HMBOX1: variants seen among roughly 807,000 people sequenced by gnomAD.
HMBOX1 encodes the protein homeobox containing 1.
In HMBOX1, 14 loss-of-function variants were observed where a neutral mutation model predicts 54.5. That is an observed-to-expected ratio of 0.26 (90% CI 0.17 to 0.40). The LOEUF (loss-of-function observed/expected upper bound fraction) is 0.40. Among genes scored for constraint, HMBOX1 ranks in the 10% least tolerant of loss-of-function variants. The pLI is 1.00. For missense variants in HMBOX1, 332 were observed against 514.4 expected, an observed-to-expected ratio of 0.65 and a Z score of 3.43; for synonymous variants, 160 against 181.0, an observed-to-expected ratio of 0.88 and a Z score of 0.93.
chr8:29,017,967 T>C (rs925745956), intron 5 of HMBOX1, among the ~76,000 whole-genome samples: 3 of 152,234 alleles, frequency 2.0e-5, no homozygotes, highest in Non-Finnish European at 4.4e-5. Context: ...TGAATTAAAC[T>C]ACAGGCAGAG....
At chr8:29,011,616 A>G (rs1347932985) in intron 5 of HMBOX1, among the ~76,000 whole-genome samples, 1 of 152,234 alleles carries the variant, frequency 6.6e-6, no homozygotes, top group African/African-American at 2.4e-5. Context: ...CTCTAGGGCC[A>G]CAATGGCATT....
chr8:28,979,230 G>A (rs1047168249), intron 3 of HMBOX1, among the ~76,000 whole-genome samples: 11 of 152,276 alleles, frequency 7.2e-5, no homozygotes, highest in Admixed American at 4.6e-4. Flanking sequence ...GGTTTTAAGA[G>A]TTTAACTATA....
chr8:28,982,332 A>G (rs952455578), intron 4 of HMBOX1, among the ~76,000 whole-genome samples: 2 of 152,228 alleles, frequency 1.3e-5, no homozygotes, highest in African/African-American at 4.8e-5. Flanking sequence ...GAGAAATGCT[A>G]TTCTAGGAGA....
intron 6 of HMBOX1, among the ~76,000 whole-genome samples, chr8:29,036,212 G>C (rs1803839294): frequency 6.6e-6 from 1 of 152,188 alleles, no homozygotes; most frequent in Non-Finnish European, 1.5e-5. Context: ...TTGCAGTGAA[G>C]GGCCTGGGGA....
intron 6 of HMBOX1, among the ~76,000 whole-genome samples, chr8:29,029,917 C>A (rs1259035816): frequency 3.3e-5 from 5 of 151,654 alleles, no homozygotes; most frequent in Non-Finnish European, 5.9e-5. Context: ...TCTCTTAGGC[C>A]CCCTTATTAT....
chr8:29,028,975 A>G (rs1273169825), intron 6 of HMBOX1, among the ~76,000 whole-genome samples: 1 of 152,052 alleles, frequency 6.6e-6, no homozygotes, highest in East Asian at 1.9e-4. Context: ...TTCTGCTCTC[A>G]TTTCATGAAG....
intron 1 of HMBOX1, among the ~76,000 whole-genome samples, chr8:28,912,901 A>G (rs575331877): frequency 6.6e-6 from 1 of 152,340 alleles, no homozygotes; most frequent in East Asian, 1.9e-4. Flanking sequence ...TTTAAAAAAC[A>G]TACTTAAGTT....
chr8:28,963,730 T>TC (rs1284987893), intron 1 of HMBOX1, 81 bp from the exon 2 acceptor site: 16 of 586,846 alleles, frequency 2.7e-5, no homozygotes, highest in Non-Finnish European at 4.8e-5. Flanking sequence ...ACTCTTGCTG[T>TC]CCATCAGTTA....
At chr8:29,046,194 GC>G (rs894774041) in intron 7 of HMBOX1, 1 of 152,172 alleles carries the variant, frequency 6.6e-6, no homozygotes, top group Non-Finnish European at 1.5e-5. Flanking sequence ...TCACCCAGAA[GC>G]CAGACTTCTA....
At chr8:29,021,761 G>A (rs1213729313) in intron 6 of HMBOX1, among the ~76,000 whole-genome samples, 4 of 151,550 alleles carry the variant, frequency 2.6e-5, no homozygotes, top group African/African-American at 9.7e-5. Flanking sequence ...TCGGGAGGCT[G>A]AGGCAGGAGA....
chr8:28,947,886 T>C (rs1822759574), intron 1 of HMBOX1, among the ~76,000 whole-genome samples: 1 of 152,182 alleles, frequency 6.6e-6, no homozygotes, highest in South Asian at 2.1e-4. Flanking sequence ...TTGAATGCTT[T>C]GTCCCTTATA....
At chr8:28,928,873 G>T (rs1819001734) in intron 1 of HMBOX1, among the ~76,000 whole-genome samples, 1 of 152,172 alleles carries the variant, frequency 6.6e-6, no homozygotes, top group Non-Finnish European at 1.5e-5. Flanking sequence ...AGAAGGGAAA[G>T]TTGAACTCAT....
At chr8:28,914,328 G>T (rs748643950) in intron 1 of HMBOX1, among the ~76,000 whole-genome samples, 8 of 152,128 alleles carry the variant, frequency 5.3e-5, no homozygotes, top group African/African-American at 9.6e-5. Flanking sequence ...AAACGATTGG[G>T]ACTTATATAG....
rs1813313645 is a variant in HMBOX1, at chr8:28,901,947, CT to C, written c.-58+11270del. Among the ~76,000 whole-genome samples the C allele has an allele frequency of 1.3e-5, 2 of 152,328 alleles. 1 individual carries two copies. Among genetic ancestry groups the C allele is most frequent in the South Asian group, 4.1e-4 (2 of 4,826 alleles). On this transcript the variant is annotated intron_variant, in intron 1 of 9. Coordinates refer to ENST00000287701, the MANE Select transcript of HMBOX1 (RefSeq NM_001135726.3). ...ATACTTAAAACCCAGTTAAATCCTTCTGTCTGAAGAGACATATCCCAGTGAA... is the reference window on the plus strand; with the variant it reads ...ATACTTAAAACCCAGTTAAATCCTTCGTCTGAAGAGACATATCCCAGTGAA...
intron 1 of HMBOX1, among the ~76,000 whole-genome samples, chr8:28,944,537 A>G (rs1822062352): frequency 6.6e-6 from 1 of 152,234 alleles, no homozygotes; most frequent in Non-Finnish European, 1.5e-5. Context: ...AGAGGAATTA[A>G]TAACTTGAGC....
intron 4 of HMBOX1, among the ~76,000 whole-genome samples, chr8:28,990,717 G>A (rs1187911825): frequency 6.6e-6 from 1 of 151,812 alleles, no homozygotes; most frequent in South Asian, 2.1e-4. Flanking sequence ...GTGGAGTGGC[G>A]CAATCTCGGC....
chr8:28,945,218 T>C (rs1445279967), intron 1 of HMBOX1, among the ~76,000 whole-genome samples: 2 of 152,236 alleles, frequency 1.3e-5, no homozygotes, highest in Admixed American at 6.5e-5. Flanking sequence ...CTTCTTCTAC[T>C]GTATCTTTAG....
chr8:28,973,596 A>G (rs1586196233), intron 3 of HMBOX1, among the ~76,000 whole-genome samples: 2 of 152,072 alleles, frequency 1.3e-5, no homozygotes, highest in African/African-American at 2.4e-5. Flanking sequence ...ACTAGATGCT[A>G]TGGTGATATG....
chr8:29,018,675 A>G, intron 5 of HMBOX1, 85 bp from the exon 6 acceptor site: 4 of 1,374,902 alleles, frequency 2.9e-6, no homozygotes, highest in Non-Finnish European at 4.0e-6. Flanking sequence ...CAAAGACCAT[A>G]CTTCCCTAGT....
Sources: allele counts gnomAD v4.1 joint callset (sites outside exome capture counted in the v4.1 genomes callset), GRCh38; gene constraint gnomAD v4.1.1; transcripts MANE v1.5; gene names NCBI Gene and HGNC (gene_info 2026-07-23, HGNC 2026-07-21).